RSRC1: variants seen among roughly 807,000 people sequenced by gnomAD.
RSRC1 encodes the protein arginine and serine rich coiled-coil 1, also known as serine/Arginine-related protein 53.
In RSRC1, 39 loss-of-function variants were observed where a neutral mutation model predicts 49.1. The observed-to-expected ratio is 0.79, with a 90% CI of 0.61 to 1.04. The LOEUF is 1.04. Ranked by LOEUF, RSRC1 falls within the 50% of genes least tolerant of loss-of-function variation. The pLI, the probability that RSRC1 is intolerant of heterozygous loss-of-function variation, is 0.00. For missense variants in RSRC1, 388 were observed against 402.4 expected, an observed-to-expected ratio of 0.96 and a Z score of 0.31; for synonymous variants, 143 against 130.8, an observed-to-expected ratio of 1.09 and a Z score of -0.63.
Position 158,537,160 on chromosome 3 carries a change from G to T in RSRC1, c.721G>T (p.Val241Phe). 1 of 1,600,334 alleles carries T rather than the reference G, an allele frequency of 6.2e-7. No homozygotes were observed. Among genetic ancestry groups the T allele is most frequent in the Non-Finnish European group, 8.5e-7 (1 of 1,174,184 alleles). ...EIEAIESDSF[V>F]QQTFRSSKEV... ...TGAAGCTATTGAAAGTGATTCTTTT[G>T]TTCAGCAGACATTCAGATCAAGTAA... The change falls in exon 8 of 10, where the codon GTT (valine) becomes TTT (phenylalanine). Residue 241 changes from valine (V) to phenylalanine (F), a missense_variant. By Grantham distance (50) the Val-to-Phe change is conservative (BLOSUM62 -1). Transcript: ENST00000611884.
chr3:158,155,835 C>A (rs1717842576), intron 3 of RSRC1, among the ~76,000 whole-genome samples: 1 of 152,156 alleles, frequency 6.6e-6, no homozygotes, highest in Admixed American at 6.5e-5. Context: ...TACATGCTAT[C>A]ATCCAGGCTT....
chr3:158,365,273 A>G (rs967393601), intron 6 of RSRC1, among the ~76,000 whole-genome samples: 2 of 151,980 alleles, frequency 1.3e-5, no homozygotes, highest in African/African-American at 4.8e-5. Flanking sequence ...TACATTAGGT[A>G]TTTCTCCTAA....
intron 4 of RSRC1, among the ~76,000 whole-genome samples, chr3:158,261,849 A>G (rs1225091062): frequency 6.6e-6 from 1 of 152,226 alleles, no homozygotes; most frequent in African/African-American, 2.4e-5. Flanking sequence ...TTAATTCTAC[A>G]TTATGGTGAG....
intron 3 of RSRC1, among the ~76,000 whole-genome samples, chr3:158,159,056 A>G (rs1350056529): frequency 6.6e-6 from 1 of 152,100 alleles, no homozygotes; most frequent in Non-Finnish European, 1.5e-5. Flanking sequence ...AATGTTGAGT[A>G]TAGAGGAGTA....
At chr3:158,150,526 CTGGT>C (rs1717457596) in intron 3 of RSRC1, among the ~76,000 whole-genome samples, 1 of 151,892 alleles carries the variant, frequency 6.6e-6, no homozygotes, top group African/African-American at 2.4e-5. Context: ...AATAAGCTGT[CTGGT>C]TGTGTTTTTT....
intron 3 of RSRC1, among the ~76,000 whole-genome samples, chr3:158,147,201 C>G (rs1717193152): frequency 7.0e-6 from 1 of 143,306 alleles, no homozygotes; most frequent in Admixed American, 7.3e-5. Flanking sequence ...AAATCTCTAC[C>G]CGCTAAAAGG....
intron 6 of RSRC1, among the ~76,000 whole-genome samples, chr3:158,418,644 A>T (rs952365066): frequency 6.6e-6 from 1 of 151,944 alleles, no homozygotes; most frequent in Non-Finnish European, 1.5e-5. Flanking sequence ...CCAAGAAGGG[A>T]TATACCGGAA....
At chr3:158,422,301 C>T (rs1418043090) in intron 6 of RSRC1, among the ~76,000 whole-genome samples, 1 of 147,468 alleles carries the variant, frequency 6.8e-6, no homozygotes, top group Non-Finnish European at 1.5e-5. Context: ...GTTCAATTCC[C>T]ACCTATGAGT....
At chr3:158,232,938 G>A (rs555986405) in intron 4 of RSRC1, among the ~76,000 whole-genome samples, 5 of 152,244 alleles carry the variant, frequency 3.3e-5, no homozygotes, top group African/African-American at 1.2e-4. Flanking sequence ...GTTGCATGAA[G>A]CTTTGAGCTT....
intron 4 of RSRC1, among the ~76,000 whole-genome samples, chr3:158,218,799 G>A (rs1168462514): frequency 1.3e-5 from 2 of 151,636 alleles, no homozygotes; most frequent in Non-Finnish European, 3.0e-5. Flanking sequence ...TGCTGGATGT[G>A]ACCCATGGGC....
At chr3:158,457,014 A>G (rs1023540093) in intron 6 of RSRC1, among the ~76,000 whole-genome samples, 8 of 152,162 alleles carry the variant, frequency 5.3e-5, no homozygotes, top group Admixed American at 2.6e-4. Flanking sequence ...GATTTTAGAA[A>G]GGTACATTTA....
chr3:158,341,702 C>T (rs913191164), intron 5 of RSRC1, among the ~76,000 whole-genome samples: 1 of 152,144 alleles, frequency 6.6e-6, no homozygotes, highest in African/African-American at 2.4e-5. Flanking sequence ...CCTAGTAGAT[C>T]TGTGAGAAGA....
At chr3:158,424,955 T>G (rs1486993492) in intron 6 of RSRC1, among the ~76,000 whole-genome samples, 14 of 151,636 alleles carry the variant, frequency 9.2e-5, no homozygotes, top group African/African-American at 3.1e-4. Flanking sequence ...TTGCGTCTAT[T>G]TGATTCTTCT....
intron 6 of RSRC1, among the ~76,000 whole-genome samples, chr3:158,380,596 GTATTTTA>G (rs1560018427): frequency 6.6e-6 from 1 of 151,890 alleles, no homozygotes; most frequent in Non-Finnish European, 1.5e-5. Context: ...AAGTTGTCAG[GTATTTTA>G]TATTTTTATT....
At chr3:158,434,613 G>T (rs967011222) in intron 6 of RSRC1, among the ~76,000 whole-genome samples, 1 of 151,848 alleles carries the variant, frequency 6.6e-6, no homozygotes, top group African/African-American at 2.4e-5. Flanking sequence ...GCGCCACCTA[G>T]CGAAACTCGG....
intron 6 of RSRC1, among the ~76,000 whole-genome samples, chr3:158,377,619 A>G (rs76642689): frequency 0.019 from 2,889 of 151,996 alleles, 72 homozygotes; most frequent in African/African-American, 0.067. Flanking sequence ...CCAGGAGCCA[A>G]AATAAACTTC....
intron 7 of RSRC1, among the ~76,000 whole-genome samples, chr3:158,465,245 C>A (rs1462922833): frequency 1.1e-4 from 16 of 152,174 alleles, no homozygotes; most frequent in Admixed American, 1.0e-3. Flanking sequence ...GTCCTCCACA[C>A]CTAGCCTTCA....
chr3:158,290,452 T>G (rs1726867779), intron 4 of RSRC1, among the ~76,000 whole-genome samples: 1 of 152,040 alleles, frequency 6.6e-6, no homozygotes, highest in African/African-American at 2.4e-5. Context: ...TTTTGTATTT[T>G]TTTTAGTAGA....
chr3:158,374,156 G>T (rs1732229668), intron 6 of RSRC1, among the ~76,000 whole-genome samples: 1 of 152,028 alleles, frequency 6.6e-6, no homozygotes, highest in African/African-American at 2.4e-5. Flanking sequence ...TACTCTAACG[G>T]ATTGGATATT....
Sources: gnomAD v4.1 joint callset for allele counts (sites outside exome capture counted in the v4.1 genomes callset) on GRCh38, gnomAD v4.1.1 for gene constraint, MANE v1.5 for transcripts, NCBI Gene and HGNC (gene_info 2026-07-23, HGNC 2026-07-21) for gene names.